Variants in PLCXD3 observed in about 807,000 individuals in gnomAD.
PLCXD3 encodes phosphatidylinositol specific phospholipase C X domain containing 3, also known as PI-PLC X domain-containing protein 3.
Under a neutral mutation model 25.5 loss-of-function variants are expected in PLCXD3, and 19 were observed. The ratio of observed to expected loss-of-function variants is 0.75; its 90% CI spans 0.52 to 1.09. The LOEUF (loss-of-function observed/expected upper bound fraction) is 1.09. PLCXD3 is among the 50% of genes least tolerant of loss of function. PLCXD3 has a pLI of 0.00. For synonymous variants in PLCXD3, 174 were observed against 137.6 expected, an observed-to-expected ratio of 1.26 and a Z score of -1.85; for missense variants, 411 against 388.1, an observed-to-expected ratio of 1.06 and a Z score of -0.50.
rs1172540437 is a variant in PLCXD3, at chr5:41,381,980, T to C, written c.658A>G (p.Thr220Ala). The C allele has an allele frequency of 3.1e-6, 5 of 1,613,336 alleles. No homozygotes were observed. The highest frequency in any genetic ancestry group is 4.2e-6 in the Non-Finnish European group (5 of 1,179,716). The part of the protein sequence containing the change: ...QMMPAPWANT[T>A]DPEKLIQFLQ... Reference sequence around the variant, plus strand: ...AACTGGATCAGTTTCTCGGGGTCTGTGGTGTTGGCCCAGGGTGCTGGCATC... The same window carrying C: ...AACTGGATCAGTTTCTCGGGGTCTGCGGTGTTGGCCCAGGGTGCTGGCATC... Residue 220 changes from threonine (T) to alanine (A), a missense_variant, in exon 2 of 3, where the codon ACA becomes GCA. Coordinates refer to ENST00000377801, the MANE Select transcript of PLCXD3 (RefSeq NM_001005473.3).
In PLCXD3 at chr5:41,369,474, C is replaced by CT. The variant is rs1446336424; in HGVS notation, c.812+12351dup. Among the ~76,000 whole-genome samples the CT allele has an allele frequency of 5.9e-5, 9 of 152,040 alleles. No individual in the cohort carries two copies. The South Asian group carries it at 1.7e-3, about 28-fold the overall frequency. ...ATTAATAGCTTTTGTTTTTCATTGT[C>CT]TTTTTTTGGTTGGTTGTTTTTTCTT... On this transcript the variant is annotated intron_variant, in intron 2 of 2. Transcript: ENST00000377801.
intron 1 of PLCXD3, among the ~76,000 whole-genome samples, chr5:41,466,429 A>T (rs1748019214): frequency 2.0e-5 from 3 of 152,064 alleles, no homozygotes; most frequent in Admixed American, 2.0e-4. Context: ...TTATTGAAAA[A>T]TCATAATTGT....
rs1357924900 is a variant in PLCXD3, at chr5:41,428,390, TTTTG to T, written c.104-45860_104-45857del. On this transcript the variant is annotated intron_variant, in intron 1 of 2. Transcript: ENST00000377801. ...TTAAAATGAGTTTTTTTGTTTTTGT[TTTTG>T]TTTTTTTTAGGGTGGGCCCTAATCC... is the stretch of plus-strand genomic sequence containing the variant. 1.6e-3 allele frequency among the ~76,000 whole-genome samples: 234 copies of T among 145,588 alleles called. 11 individuals are homozygous for T. Among genetic ancestry groups the T allele is most frequent in the East Asian group, 3.7e-3 (19 of 5,132 alleles).
At chr5:41,475,782 C>A (rs1748270770) in intron 1 of PLCXD3, 1 of 527,186 alleles carries the variant, frequency 1.9e-6, no homozygotes, top group African/African-American at 1.9e-5. Flanking sequence ...GCAGTTACTG[C>A]TGTTACTACT....
intron 2 of PLCXD3, among the ~76,000 whole-genome samples, chr5:41,318,014 G>A (rs1212845653): frequency 6.6e-6 from 1 of 151,830 alleles, no homozygotes; most frequent in Non-Finnish European, 1.5e-5. Context: ...AACACAAGAA[G>A]GCCAGGAGAG....
rs1436868293 is a variant in PLCXD3, at chr5:41,308,931, CAGAT to C, written c.*4682_*4685del. 6.6e-6 allele frequency: 1 copy of C among 152,540 alleles called. No homozygotes were observed. Among genetic ancestry groups the C allele is most frequent in the Non-Finnish European group, 1.5e-5 (1 of 68,008 alleles). 9.4% of individuals were successfully genotyped at this position (152,540 alleles called of 1,614,324 possible). On this transcript the variant is annotated 3_prime_UTR_variant, in exon 3 of 3. Coordinates refer to ENST00000377801, the MANE Select transcript of PLCXD3 (RefSeq NM_001005473.3). ...GGTGGACAGTTTGCTTGTGGGAACT[CAGAT>C]AGGTTCTAAAGCCCATTCCTCACAA...
chr5:41,433,951 T>C (rs1747175335), intron 1 of PLCXD3, among the ~76,000 whole-genome samples: 1 of 152,230 alleles, frequency 6.6e-6, no homozygotes, highest in African/African-American at 2.4e-5. Context: ...GTTACTTGTA[T>C]AGCTGTGACG....
At chr5:41,421,154 T>C (rs1019411374) in intron 1 of PLCXD3, among the ~76,000 whole-genome samples, 42 of 152,326 alleles carry the variant, frequency 2.8e-4, no homozygotes, top group African/African-American at 8.2e-4. Flanking sequence ...TTTAGGATAA[T>C]ATTAGGCATA....
At chr5:41,473,649 G>A (rs964092546) in intron 1 of PLCXD3, among the ~76,000 whole-genome samples, 1 of 151,880 alleles carries the variant, frequency 6.6e-6, no homozygotes, top group African/African-American at 2.4e-5. Context: ...ATAGATACGG[G>A]GTTTCACCAT....
At chr5:41,412,426 A>G (rs1387260154) in intron 1 of PLCXD3, among the ~76,000 whole-genome samples, 1 of 152,218 alleles carries the variant, frequency 6.6e-6, no homozygotes, top group Non-Finnish European at 1.5e-5. Flanking sequence ...GAAATTCAGT[A>G]GTCTCATTTA....
intron 1 of PLCXD3, among the ~76,000 whole-genome samples, chr5:41,388,053 CAG>C (rs1390426725): frequency 1.3e-5 from 2 of 151,944 alleles, no homozygotes; most frequent in Non-Finnish European, 2.9e-5. Context: ...CCACACTAAA[CAG>C]GGTACATAAT....
intron 1 of PLCXD3, among the ~76,000 whole-genome samples, chr5:41,507,491 C>A (rs1357371630): frequency 6.6e-6 from 1 of 152,160 alleles, no homozygotes; most frequent in Admixed American, 6.5e-5. Flanking sequence ...CATTTAAATG[C>A]CAAACAGCTA....
In PLCXD3 at chr5:41,394,818, T is replaced by C. The variant is rs527667459; in HGVS notation, c.104-12284A>G. On this transcript the variant is annotated intron_variant, in intron 1 of 2. Transcript: ENST00000377801. ...TGCACCCAACAGTGGATAACCTAGA[T>C]ATAAGCAGGTAATATTATCAGAGCT... Among the ~76,000 whole-genome samples, 5 of 152,266 alleles carry C rather than the reference T, an allele frequency of 3.3e-5. No homozygotes were observed. In the South Asian group the frequency reaches 1.0e-3, roughly 32 times the overall value.
intron 1 of PLCXD3, among the ~76,000 whole-genome samples, chr5:41,486,806 G>A (rs1480926536): frequency 2.0e-5 from 3 of 152,090 alleles, no homozygotes; most frequent in Non-Finnish European, 4.4e-5. Context: ...AAGAATATGA[G>A]GTTAATACTG....
Position 41,427,994 on chromosome 5 carries a change from A to G in PLCXD3, c.104-45460T>C, listed in dbSNP as rs190634527. ...CCCTCTTAGGGGAGCCACCCTGTAA[A>G]TTTCCCATCTCTAGTGAGGGATCTC... On this transcript the variant is annotated intron_variant, in intron 1 of 2. Transcript: ENST00000377801. Among the ~76,000 whole-genome samples, 51 of 152,274 alleles carry G rather than the reference A, an allele frequency of 3.3e-4. No individual in the cohort carries two copies. The East Asian group carries it at 6.2e-3, about 18-fold the overall frequency.
At chr5:41,433,976 G>T (rs544584767) in intron 1 of PLCXD3, among the ~76,000 whole-genome samples, 1 of 152,214 alleles carries the variant, frequency 6.6e-6, no homozygotes, top group Non-Finnish European at 1.5e-5. Context: ...ATCACCTGAT[G>T]GGAGCCAATG....
At chr5:41,416,955 A>G (rs1303612027) in intron 1 of PLCXD3, among the ~76,000 whole-genome samples, 1 of 152,172 alleles carries the variant, frequency 6.6e-6, no homozygotes, top group African/African-American at 2.4e-5. Context: ...TCTTCCCCAG[A>G]CCAATCATCA....
intron 2 of PLCXD3, among the ~76,000 whole-genome samples, chr5:41,379,045 A>G (rs554818216): frequency 6.6e-6 from 1 of 152,150 alleles, no homozygotes; most frequent in Non-Finnish European, 1.5e-5. Flanking sequence ...TGTTTTGCTA[A>G]GCATAGAACT....
intron 2 of PLCXD3, among the ~76,000 whole-genome samples, chr5:41,321,839 G>A (rs1173816738): frequency 6.6e-6 from 1 of 152,162 alleles, no homozygotes; most frequent in Non-Finnish European, 1.5e-5. Context: ...AGTATCTTCA[G>A]TAATGGTGCT....
Sources: allele counts gnomAD v4.1 joint callset (sites outside exome capture counted in the v4.1 genomes callset), GRCh38; gene constraint gnomAD v4.1.1; transcripts MANE v1.5; gene names NCBI Gene and HGNC (gene_info 2026-07-23, HGNC 2026-07-21).